The following ZBTB25 variants were observed in gnomAD, a reference collection of about 807,000 sequenced individuals.
ZBTB25 encodes the protein zinc finger and BTB domain containing 25, also known as zinc finger and BTB domain-containing protein 25.
ZBTB25 carries 20 observed loss-of-function variants against 34.2 expected under a neutral mutation model. The ratio of observed to expected loss-of-function variants is 0.58; its 90% CI spans 0.41 to 0.85. The LOEUF is 0.85. ZBTB25 is among the 40% of genes least tolerant of loss of function. ZBTB25 has a pLI of 0.00. For synonymous variants in ZBTB25, 175 were observed against 186.4 expected (o/e 0.94, Z 0.50); for missense variants, 437 against 521.8 (o/e 0.84, Z 1.58).
chr14:64,456,486 G>C (rs2078476066), intron 2 of ZBTB25, among the ~76,000 whole-genome samples: 1 of 152,166 alleles, frequency 6.6e-6, no homozygotes, highest in Non-Finnish European at 1.5e-5. Context: ...AGTGACCAGT[G>C]TTTAGGAGGG....
chr14:64,473,424 T>C (rs1216283606), downstream of ZBTB25: 1 of 167,050 alleles, frequency 6.0e-6, no homozygotes, highest in Non-Finnish European at 1.5e-5. Context: ...ATCTCTTTTA[T>C]TTACTTCTGA....
chr14:64,463,413 G>A (rs563786229), intron 2 of ZBTB25: 4 of 152,224 alleles, frequency 2.6e-5, no homozygotes, highest in South Asian at 2.1e-4. Context: ...AAGTCTGTCC[G>A]AATTTGCCCT....
chr14:64,495,762 G>A (rs186955223), intron 1 of ZBTB25, among the ~76,000 whole-genome samples: 2 of 152,232 alleles, frequency 1.3e-5, no homozygotes, highest in African/African-American at 2.4e-5. Flanking sequence ...TTCGAGACCA[G>A]CCTGGCCAAC....
At chr14:64,500,597 G>C (rs1227910950) in intron 1 of ZBTB25, among the ~76,000 whole-genome samples, 1 of 151,792 alleles carries the variant, frequency 6.6e-6, no homozygotes, top group Non-Finnish European at 1.5e-5. Context: ...CAGAGTTCAA[G>C]ACCAGCCTGG....
At chr14:64,461,504 C>A (rs1310773825) in intron 2 of ZBTB25, 2 of 151,008 alleles carry the variant, frequency 1.3e-5, no homozygotes, top group Non-Finnish European at 2.9e-5. Flanking sequence ...AAGCACTTGT[C>A]AGTTCCTGTT....
chr14:64,488,974 C>T (rs57525201), intron 2 of ZBTB25, among the ~76,000 whole-genome samples: 36,679 of 152,100 alleles, frequency 0.24, 5,170 homozygotes, highest in East Asian at 0.41. Flanking sequence ...CAGCAGGGTG[C>T]GGTGGCTCAC....
At chr14:64,493,764 G>A (rs2079169851) in intron 1 of ZBTB25, among the ~76,000 whole-genome samples, 1 of 151,572 alleles carries the variant, frequency 6.6e-6, no homozygotes, top group Non-Finnish European at 1.5e-5. Flanking sequence ...TGTGCTAGGT[G>A]TTGATATAAA....
At chr14:64,463,227 A>ACACACACACACACAC in intron 2 of ZBTB25, 2 of 144,208 alleles carry the variant, frequency 1.4e-5, no homozygotes, top group South Asian at 2.3e-4. Context: ...GGATACATTA[A>ACACACACACACACAC]ACACACACAC....
Position 64,487,608 on chromosome 14 carries a change from C to T in ZBTB25, c.623G>A (p.Cys208Tyr). 2 of 1,607,170 alleles carry T rather than the reference C, an allele frequency of 1.2e-6. No homozygotes were observed. The highest frequency in any genetic ancestry group is 2.2e-5 in the South Asian group (2 of 89,900). Residue 208 changes from cysteine to tyrosine, a missense_variant, in exon 3 of 3, where the codon TGT (cysteine) becomes TAT (tyrosine). Physicochemically the swap from Cys to Tyr is radical, Grantham distance 194 (BLOSUM62 -2). Coordinates refer to ENST00000608382, the MANE Select transcript of ZBTB25 (RefSeq NM_006977.5). ...KPPVSIKQER[C>Y]DPESVISQSH... The stretch of plus-strand genomic sequence containing the variant: ...CTGGGAGATCACAGATTCTGGGTCA[C>T]ATCTCTCCTGCTTGATGGAAACTGG...
At chr14:64,452,336 G>A (rs1427425402) in intron 2 of ZBTB25, among the ~76,000 whole-genome samples, 1 of 152,186 alleles carries the variant, frequency 6.6e-6, no homozygotes, top group Non-Finnish European at 1.5e-5. Flanking sequence ...TTTAGCTTTA[G>A]TTGCTATAAA....
chr14:64,503,765 CTCTCGCGCGGCT>C lies in ZBTB25; in HGVS notation c.-124_-113del. The C allele has an allele frequency of 3.6e-6, 1 of 280,336 alleles. No individual in the cohort carries two copies. Among genetic ancestry groups the C allele is most frequent in the African/African-American group, 2.3e-5 (1 of 43,906 alleles). The allele number at this position is 280,336 out of a possible 1,614,324, so 17.4% of individuals were successfully genotyped here. On this transcript the variant is annotated 5_prime_UTR_variant, in exon 1 of 3. Transcript: ENST00000608382. ...GCCGGCTCACGCACCCCTCGGCCGC[CTCTCGCGCGGCT>C]TCCCGCGCCGGCAGCCCGCGATGGC...
chr14:64,458,008 A>C, intron 2 of ZBTB25: 1 of 609,566 alleles, frequency 1.6e-6, no homozygotes, highest in Non-Finnish European at 2.9e-6. Flanking sequence ...CTCCTGCCTT[A>C]GCATCCCAAG....
chr14:64,504,738 C>G, upstream of ZBTB25: 1 of 374,322 alleles, frequency 2.7e-6, no homozygotes, highest in Non-Finnish European at 4.7e-6. Flanking sequence ...TGCGGTGCGG[C>G]AGGCGCGGCT....
intron 1 of ZBTB25, among the ~76,000 whole-genome samples, chr14:64,493,171 T>C (rs1205667482): frequency 2.0e-5 from 3 of 152,206 alleles, no homozygotes; most frequent in African/African-American, 7.2e-5. Context: ...TAGTGTCGTG[T>C]TTGAAGTGAA....
At chr14:64,453,379 C>G (rs1367206541) in intron 2 of ZBTB25, among the ~76,000 whole-genome samples, 1 of 152,044 alleles carries the variant, frequency 6.6e-6, no homozygotes, top group Non-Finnish European at 1.5e-5. Flanking sequence ...CAAGACCAGC[C>G]TGACCAACAT....
chr14:64,474,808 T>C (rs2078705044), downstream of ZBTB25, among the ~76,000 whole-genome samples: 1 of 152,250 alleles, frequency 6.6e-6, no homozygotes, highest in Non-Finnish European at 1.5e-5. Context: ...CATTAACCTA[T>C]GAATTGTTCA....
chr14:64,485,019 C>T lies in ZBTB25; in HGVS notation c.*1904G>A, dbSNP rs1441622730. 129 of 985,358 alleles carry T rather than the reference C, an allele frequency of 1.3e-4. No individual in the cohort carries two copies. The highest frequency in any genetic ancestry group is 1.5e-4 in the Non-Finnish European group (126 of 829,946). The allele number at this position is 985,358 out of a possible 1,614,324, so 61.0% of individuals were successfully genotyped here. Reference sequence around the variant, plus strand: ...TCAAGTTAGATGTGCTCTCAACACACATCAGTCTTAACCATAGGAGCCTTT... The same window carrying T: ...TCAAGTTAGATGTGCTCTCAACACATATCAGTCTTAACCATAGGAGCCTTT... On this transcript the variant is annotated 3_prime_UTR_variant, in exon 3 of 3. Transcript: ENST00000608382.
chr14:64,453,578 A>C (rs1001036958), intron 2 of ZBTB25, among the ~76,000 whole-genome samples: 2 of 152,212 alleles, frequency 1.3e-5, no homozygotes, highest in Admixed American at 6.5e-5. Flanking sequence ...TCAAAAAAAC[A>C]AAAAGAAAGT....
rs1460229989 is a variant in ZBTB25 at position 64,479,605 on chromosome 14, T to C, written c.*7318A>G. ...ATGTGGGTGGCTCTCATTCCATCAG[T>C]TGAAGGCCAGAATATAATAAAAAAA... On this transcript the variant is annotated 3_prime_UTR_variant, in exon 3 of 3. Transcript: ENST00000608382. 6.6e-6 allele frequency: 1 copy of C among 152,188 alleles called. No homozygotes were observed. The highest frequency in any genetic ancestry group is 6.5e-5 in the Admixed American group (1 of 15,278). 9.4% of individuals were successfully genotyped at this position (152,188 alleles called of 1,614,324 possible).
Sources: allele counts gnomAD v4.1 joint callset (sites outside exome capture counted in the v4.1 genomes callset), GRCh38; gene constraint gnomAD v4.1.1; transcripts MANE v1.5; gene names NCBI Gene and HGNC (gene_info 2026-07-23, HGNC 2026-07-21).